Variants in NKAIN3 observed in about 807,000 individuals in gnomAD.
The protein encoded by NKAIN3 is sodium/potassium-transporting ATPase subunit beta-1-interacting protein 3.
A neutral mutation model predicts 30.2 loss-of-function variants in NKAIN3; 25 were observed. The observed-to-expected ratio is 0.83, with a 90% CI of 0.60 to 1.16. The LOEUF is 1.16. Ranked by LOEUF, NKAIN3 falls within the 50% of genes most tolerant of loss-of-function variation. The pLI, the probability that NKAIN3 is intolerant of heterozygous loss-of-function variation, is 0.00. For synonymous variants in NKAIN3, 91 were observed against 89.6 expected, an observed-to-expected ratio of 1.02 and a Z score of -0.09; for missense variants, 225 against 254.1, an observed-to-expected ratio of 0.89 and a Z score of 0.78.
chr8:62,415,305 T>A (rs1043876703), intron 1 of NKAIN3, among the ~76,000 whole-genome samples: 1 of 145,554 alleles, frequency 6.9e-6, no homozygotes, highest in Non-Finnish European at 1.5e-5. Context: ...TTTATATATA[T>A]CTACTTAATA....
chr8:62,926,347 G>A (rs564055029), intron 5 of NKAIN3, among the ~76,000 whole-genome samples: 3 of 152,022 alleles, frequency 2.0e-5, no homozygotes, highest in African/African-American at 7.3e-5. Flanking sequence ...CCTTCTCAAC[G>A]GTCTCACAAA....
chr8:62,874,293 T>A (rs35185274), intron 4 of NKAIN3, among the ~76,000 whole-genome samples: 34,789 of 151,994 alleles, frequency 0.23, 4,900 homozygotes, highest in Non-Finnish European at 0.33. Context: ...GGAAGTTGAA[T>A]CCCTGAGTAG....
At chr8:62,588,487 A>C (rs1245375307) in intron 2 of NKAIN3, among the ~76,000 whole-genome samples, 1 of 151,802 alleles carries the variant, frequency 6.6e-6, no homozygotes. Context: ...CAGTTATAGG[A>C]CTATACTACT....
intron 3 of NKAIN3, among the ~76,000 whole-genome samples, chr8:62,665,160 C>A (rs1813059903): frequency 6.6e-6 from 1 of 152,160 alleles, no homozygotes; most frequent in Non-Finnish European, 1.5e-5. Context: ...CATGCACATA[C>A]ACATAATAGG....
intron 1 of NKAIN3, among the ~76,000 whole-genome samples, chr8:62,448,321 G>A (rs1805545224): frequency 6.6e-6 from 1 of 151,502 alleles, no homozygotes; most frequent in Non-Finnish European, 1.5e-5. Context: ...GACAAATAAG[G>A]GAGTACCAAT....
At chr8:62,713,736 A>G (rs189654071) in intron 3 of NKAIN3, among the ~76,000 whole-genome samples, 36 of 152,290 alleles carry the variant, frequency 2.4e-4, no homozygotes, top group Admixed American at 6.5e-4. Flanking sequence ...TTTATGTGTC[A>G]CTAAATAGAA....
At chr8:62,689,477 G>A (rs1481622929) in intron 3 of NKAIN3, among the ~76,000 whole-genome samples, 1 of 152,100 alleles carries the variant, frequency 6.6e-6, no homozygotes. Flanking sequence ...GCCTGGAATT[G>A]ACCCCATCAG....
At chr8:62,470,285 G>A (rs138401237) in intron 1 of NKAIN3, among the ~76,000 whole-genome samples, 1 of 152,230 alleles carries the variant, frequency 6.6e-6, no homozygotes, top group African/African-American at 2.4e-5. Context: ...ATTCCAGTAT[G>A]CATACAAATG....
At chr8:62,607,240 G>A (rs1053597448) in intron 3 of NKAIN3, among the ~76,000 whole-genome samples, 2 of 152,146 alleles carry the variant, frequency 1.3e-5, no homozygotes, top group African/African-American at 2.4e-5. Flanking sequence ...CTGGAAAGCT[G>A]TAAACTGACA....
intron 5 of NKAIN3, among the ~76,000 whole-genome samples, chr8:62,950,948 T>A (rs75154525): frequency 1.4e-5 from 2 of 145,278 alleles, no homozygotes; most frequent in Non-Finnish European, 3.0e-5. Flanking sequence ...AGAATCCTTT[T>A]TTTTTTTTTT....
chr8:62,646,420 A>G (rs1389648141), intron 3 of NKAIN3, among the ~76,000 whole-genome samples: 1 of 152,156 alleles, frequency 6.6e-6, no homozygotes, highest in Non-Finnish European at 1.5e-5. Context: ...ACTCCAAATA[A>G]GTCATTTAAG....
chr8:62,806,810 T>G (rs954851855), intron 4 of NKAIN3, among the ~76,000 whole-genome samples: 1 of 151,080 alleles, frequency 6.6e-6, no homozygotes, highest in Non-Finnish European at 1.5e-5. Context: ...ATAATAATAA[T>G]AAAAAATAAA....
intron 4 of NKAIN3, among the ~76,000 whole-genome samples, chr8:62,814,272 G>A (rs1418277760): frequency 6.6e-6 from 1 of 151,408 alleles, no homozygotes; most frequent in Non-Finnish European, 1.5e-5. Flanking sequence ...ATTTTCATAA[G>A]GCAAACATTC....
chr8:62,250,769 C>T (rs562462155), intron 1 of NKAIN3, among the ~76,000 whole-genome samples: 3 of 152,172 alleles, frequency 2.0e-5, no homozygotes, highest in Non-Finnish European at 4.4e-5. Context: ...CTTCTTTCCA[C>T]TTTCTTAGTT....
chr8:62,486,235 G>C (rs575002643), intron 1 of NKAIN3, among the ~76,000 whole-genome samples: 31 of 152,180 alleles, frequency 2.0e-4, no homozygotes, highest in Non-Finnish European at 4.0e-4. Context: ...GAGACAGATA[G>C]AGTGGACGTT....
intron 4 of NKAIN3, among the ~76,000 whole-genome samples, chr8:62,748,853 A>G (rs1816173324): frequency 6.6e-6 from 1 of 152,214 alleles, no homozygotes; most frequent in Non-Finnish European, 1.5e-5. Flanking sequence ...AGGTATAAAT[A>G]TAATATACAG....
chr8:62,765,449 C>A (rs2130625555), intron 4 of NKAIN3, among the ~76,000 whole-genome samples: 1 of 152,118 alleles, frequency 6.6e-6, no homozygotes, highest in South Asian at 2.1e-4. Flanking sequence ...TGGAAAGGAC[C>A]TGCCTAAGCA....
rs1820581559 is a variant in NKAIN3 at position 62,870,276 on chromosome 8, A to ATATAGATATC, written c.472-48173_472-48172insGATATCTATA. Among the ~76,000 whole-genome samples, 108 of 103,064 alleles carry ATATAGATATC rather than the reference A, an allele frequency of 1.0e-3. 9 individuals carry two copies. Among genetic ancestry groups the ATATAGATATC allele is most frequent in the Middle Eastern group, 8.6e-3 (1 of 116 alleles). The allele number at this position is 103,064 out of a possible 152,430, so 67.6% of individuals were successfully genotyped here. On this transcript the variant is annotated intron_variant, in intron 4 of 6. Coordinates refer to ENST00000623646, the MANE Select transcript of NKAIN3 (RefSeq NM_001304533.3). ...TATATATATATCTATATATAGATAT[A>ATATAGATATC]TATAAATATCTATAGATATATATAC...
chr8:62,289,242 T>G (rs747206138), intron 1 of NKAIN3, among the ~76,000 whole-genome samples: 1 of 152,242 alleles, frequency 6.6e-6, no homozygotes. Context: ...AGCTCTTTAG[T>G]TTAAGTAGAT....
Sources: allele counts gnomAD v4.1 joint callset (sites outside exome capture counted in the v4.1 genomes callset), GRCh38; gene constraint gnomAD v4.1.1; transcripts MANE v1.5; gene names NCBI Gene and HGNC (gene_info 2026-07-23, HGNC 2026-07-21).